Variants in ZDHHC21 observed in about 807,000 individuals in gnomAD.
ZDHHC21 encodes palmitoyltransferase ZDHHC21.
Under a neutral mutation model 34.6 loss-of-function variants are expected in ZDHHC21, and 15 were observed. That is an observed-to-expected ratio of 0.43 (90% CI 0.29 to 0.67). The LOEUF is 0.67. ZDHHC21 is among the 30% of genes least tolerant of loss of function. The pLI, the probability that ZDHHC21 is intolerant of heterozygous loss-of-function variation, is 0.14. For synonymous variants in ZDHHC21, 142 were observed against 101.8 expected (o/e 1.40, Z -2.38); for missense variants, 344 against 327.7 (o/e 1.05, Z -0.38).
chr9:14,648,636 T>C (rs1830675574), intron 7 of ZDHHC21, among the ~76,000 whole-genome samples: 1 of 152,140 alleles, frequency 6.6e-6, no homozygotes, highest in Non-Finnish European at 1.5e-5. Context: ...AATACTCATA[T>C]TGTTTACCAT....
At position 14,612,167 on chromosome 9, in the gene ZDHHC21, G is replaced by A. The variant is rs1208346908; in HGVS notation, c.*6799C>T. ...ATGTTCATCTAGATTTCTACATATC[G>A]TTCAAATGATCTGAAGCCACATTTC... On this transcript the variant is annotated 3_prime_UTR_variant, in exon 10 of 10. Transcript: ENST00000380916. 5 of 152,004 alleles carry A rather than the reference G, an allele frequency of 3.3e-5. No homozygotes were observed. Among genetic ancestry groups the A allele is most frequent in the Middle Eastern group, 3.4e-3 (1 of 294 alleles). The allele number at this position is 152,004 out of a possible 1,614,324, so 9.4% of individuals were successfully genotyped here.
chr9:14,659,617 T>C lies in ZDHHC21; in HGVS notation c.366-730A>G, dbSNP rs1461455676. Among the ~76,000 whole-genome samples, 4 of 152,326 alleles carry C rather than the reference T, an allele frequency of 2.6e-5. No individual in the cohort carries two copies. The East Asian group carries it at 5.8e-4, about 22-fold the overall frequency. On this transcript the variant is annotated intron_variant, in intron 6 of 9. Coordinates refer to ENST00000380916, the MANE Select transcript of ZDHHC21 (RefSeq NM_178566.6). The stretch of plus-strand genomic sequence containing the variant: ...AAAAACCCTAGTTCAAGACTACAAA[T>C]GACTTTGCACAAATGTTTTCATTTC...
intron 8 of ZDHHC21, among the ~76,000 whole-genome samples, chr9:14,624,221 C>A (rs1825821349): frequency 6.6e-6 from 1 of 151,980 alleles, no homozygotes; most frequent in East Asian, 1.9e-4. Flanking sequence ...GGGAAGATGT[C>A]CATAAGTTAT....
the ZDHHC21 span, among the ~76,000 whole-genome samples, chr9:14,603,281 A>G: frequency 9.2e-5 from 14 of 152,268 alleles, no homozygotes; most frequent in Admixed American, 9.2e-4. Flanking sequence ...TATGATAGGA[A>G]ATAAAAACAT....
chr9:14,689,593 G>C (rs144888192), intron 2 of ZDHHC21, among the ~76,000 whole-genome samples: 3 of 152,216 alleles, frequency 2.0e-5, no homozygotes, highest in East Asian at 3.9e-4. Context: ...AAAAATAAAT[G>C]TACATGACTG....
At chr9:14,628,836 C>A (rs571630525) in intron 8 of ZDHHC21, among the ~76,000 whole-genome samples, 125 of 152,172 alleles carry the variant, frequency 8.2e-4, no homozygotes, top group African/African-American at 2.9e-3. Flanking sequence ...TATTTAAGTG[C>A]TAATTTAATT....
rs1838501406 is a variant in ZDHHC21, at chr9:14,687,460, C to A, written c.-176+2877G>T. Among the ~76,000 whole-genome samples, 2 of 150,692 alleles carry A rather than the reference C, an allele frequency of 1.3e-5. 1 individual carries two copies. The highest frequency in any genetic ancestry group is 5.0e-5 in the African/African-American group (2 of 40,020). ...CCAAGGTGGGCAGATCATCTGAGGT[C>A]AGGAGTTTGAGGCTGGCCTGGCCAA... On this transcript the variant is annotated intron_variant, in intron 2 of 9. Transcript: ENST00000380916.
At chr9:14,594,972 T>A in the ZDHHC21 span, among the ~76,000 whole-genome samples, 7 of 152,054 alleles carry the variant, frequency 4.6e-5, no homozygotes, top group Non-Finnish European at 8.8e-5. Flanking sequence ...AAAACCGCAA[T>A]GAAATGCCAC....
Position 14,613,624 on chromosome 9 carries a change from T to A in ZDHHC21, c.*5342A>T, listed in dbSNP as rs1823696465. The stretch of plus-strand genomic sequence containing the variant: ...GATACCAAAAAAATCAGTGTTGAAC[T>A]GTTATAAGAACGACATTACATGTTA... On this transcript the variant is annotated 3_prime_UTR_variant, in exon 10 of 10. Transcript: ENST00000380916. 1.3e-5 allele frequency: 2 copies of A among 151,960 alleles called. No homozygotes were observed. The highest frequency in any genetic ancestry group is 4.8e-5 in the African/African-American group (2 of 41,530). The allele number at this position is 151,960 out of a possible 1,614,324, so 9.4% of individuals were successfully genotyped here. A position where few individuals can be genotyped will look rare whatever the true frequency, so the allele number is the denominator to read the frequency against.
intron 6 of ZDHHC21, among the ~76,000 whole-genome samples, chr9:14,661,647 A>G (rs1033068231): frequency 1.3e-5 from 2 of 152,196 alleles, no homozygotes; most frequent in African/African-American, 2.4e-5. Context: ...TAAATATTAC[A>G]AGAGAGCCCC....
At chr9:14,631,415 T>G (rs1827320705) in intron 8 of ZDHHC21, among the ~76,000 whole-genome samples, 2 of 152,236 alleles carry the variant, frequency 1.3e-5, no homozygotes, top group African/African-American at 4.8e-5. Context: ...TGTTGTGGCT[T>G]GTGTGATCTT....
In ZDHHC21 at chr9:14,617,240, C is replaced by T. The variant is rs1824365691; in HGVS notation, c.*1726G>A. Reference sequence around the variant, plus strand: ...ACTAAGCTTTATAAATATATTTCTTCTATTTAATTTACTACGTCTCTTTTC... The same window carrying T: ...ACTAAGCTTTATAAATATATTTCTTTTATTTAATTTACTACGTCTCTTTTC... On this transcript the variant is annotated 3_prime_UTR_variant, in exon 10 of 10. Transcript: ENST00000380916. 1 of 151,862 alleles carries T rather than the reference C, an allele frequency of 6.6e-6. No homozygotes were observed. Among genetic ancestry groups the T allele is most frequent in the African/African-American group, 2.4e-5 (1 of 41,420 alleles). 9.4% of individuals were successfully genotyped at this position (151,862 alleles called of 1,614,324 possible). A position where few individuals can be genotyped will look rare whatever the true frequency, so the allele number is the denominator to read the frequency against.
chr9:14,611,017 T>C (rs913808347), downstream of ZDHHC21: 3 of 152,024 alleles, frequency 2.0e-5, no homozygotes, highest in African/African-American at 7.2e-5. Flanking sequence ...TGCTGAAATC[T>C]AGAATTTGGG....
At chr9:14,623,529 T>G (rs1825675461) in intron 8 of ZDHHC21, among the ~76,000 whole-genome samples, 1 of 149,774 alleles carries the variant, frequency 6.7e-6, no homozygotes, top group African/African-American at 2.5e-5. Flanking sequence ...ATCCTGTCTC[T>G]TAAAAAAAAA....
At chr9:14,592,822 A>T in the ZDHHC21 span, among the ~76,000 whole-genome samples, 1 of 151,954 alleles carries the variant, frequency 6.6e-6, no homozygotes, top group African/African-American at 2.4e-5. Flanking sequence ...AGTGTGTTTT[A>T]CAGCCACAAA....
intron 8 of ZDHHC21, among the ~76,000 whole-genome samples, chr9:14,636,257 G>A (rs901747474): frequency 2.6e-5 from 4 of 152,040 alleles, no homozygotes; most frequent in Admixed American, 2.6e-4. Context: ...AAAGTAAGCT[G>A]GAATAGCTAG....
At position 14,619,621 on chromosome 9, in the gene ZDHHC21, C is replaced by G. The variant is rs776991908; in HGVS notation, c.665+18G>C. ...TTCCAATTTTAAATAATACTATACA[C>G]TTCAGTTTTATACTTACATATCTTC... On this transcript the variant is annotated intron_variant, in intron 9 of 9. Coordinates refer to ENST00000380916, the MANE Select transcript of ZDHHC21 (RefSeq NM_178566.6). 7.1e-7 allele frequency: 1 copy of G among 1,401,802 alleles called. No individual in the cohort carries two copies. The highest frequency in any genetic ancestry group is 9.8e-7 in the Non-Finnish European group (1 of 1,016,832). 86.8% of individuals were successfully genotyped at this position (1,401,802 alleles called of 1,614,324 possible).
intron 7 of ZDHHC21, among the ~76,000 whole-genome samples, chr9:14,644,321 G>C (rs771559196): frequency 6.6e-6 from 1 of 152,154 alleles, no homozygotes; most frequent in African/African-American, 2.4e-5. Flanking sequence ...TGTAATGACA[G>C]TTTTATTTCC....
intron 7 of ZDHHC21, among the ~76,000 whole-genome samples, chr9:14,653,795 A>G (rs1324563699): frequency 6.6e-6 from 1 of 152,020 alleles, no homozygotes; most frequent in Non-Finnish European, 1.5e-5. Context: ...CTGGGAAGAA[A>G]TTTTTTAAAC....
Sources: gnomAD v4.1 joint callset for allele counts (sites outside exome capture counted in the v4.1 genomes callset) on GRCh38, gnomAD v4.1.1 for gene constraint, MANE v1.5 for transcripts, NCBI Gene and HGNC (gene_info 2026-07-23, HGNC 2026-07-21) for gene names.